XKR6: variants seen among roughly 807,000 people sequenced by gnomAD.
The protein encoded by XKR6 is XK-related protein 6.
In XKR6, 22 loss-of-function variants were observed where a neutral mutation model predicts 56.7. The ratio of observed to expected loss-of-function variants is 0.39; its 90% CI spans 0.28 to 0.55. The LOEUF is 0.55. Among genes scored for constraint, XKR6 ranks in the 20% least tolerant of loss-of-function variants. XKR6 has a pLI of 0.66. For missense variants in XKR6, 852 were observed against 889.0 expected (o/e 0.96, Z 0.53); for synonymous variants, 524 against 387.8 (o/e 1.35, Z -4.13).
chr8:10,932,065 A>G (rs533057545), intron 1 of XKR6, among the ~76,000 whole-genome samples: 2 of 152,350 alleles, frequency 1.3e-5, no homozygotes, highest in African/African-American at 4.8e-5. Context: ...GAGGATACAC[A>G]ATAGCAAATA....
intron 1 of XKR6, among the ~76,000 whole-genome samples, chr8:11,051,083 G>T (rs1799533795): frequency 6.6e-6 from 1 of 152,034 alleles, no homozygotes; most frequent in South Asian, 2.1e-4. Context: ...AAAGCCCTTA[G>T]TCCTCCCAAG....
At chr8:11,154,757 C>T (rs767079875) in intron 1 of XKR6, among the ~76,000 whole-genome samples, 1 of 152,180 alleles carries the variant, frequency 6.6e-6, no homozygotes, top group Non-Finnish European at 1.5e-5. Flanking sequence ...TTGGTTCCTT[C>T]TCTGCCTATA....
chr8:10,960,375 G>A lies in XKR6; in HGVS notation c.765-35545C>T, dbSNP rs369930122. 7.2e-5 allele frequency among the ~76,000 whole-genome samples: 11 copies of A among 152,308 alleles called. No individual in the cohort carries two copies. In the East Asian group the frequency reaches 9.6e-4, roughly 13 times the overall value. On this transcript the variant is annotated intron_variant, in intron 1 of 2. Coordinates refer to ENST00000416569, the MANE Select transcript of XKR6 (RefSeq NM_173683.4). ...CATAAATATCAGGCACGGTCATAGCGTTACCCTGGCAGATGACTGCCCCAG... is the reference window on the plus strand; with the variant it reads ...CATAAATATCAGGCACGGTCATAGCATTACCCTGGCAGATGACTGCCCCAG...
chr8:11,146,468 G>T (rs1459863039), intron 1 of XKR6, among the ~76,000 whole-genome samples: 1 of 152,090 alleles, frequency 6.6e-6, no homozygotes, highest in Non-Finnish European at 1.5e-5. Context: ...TCTACAGAAA[G>T]ATTTTTAAAA....
intron 2 of XKR6, among the ~76,000 whole-genome samples, chr8:10,911,597 G>A (rs1800370249): frequency 6.8e-6 from 1 of 146,928 alleles, no homozygotes; most frequent in South Asian, 2.2e-4. Flanking sequence ...AAGAGAGAGG[G>A]TGAGATTGCA....
At chr8:10,914,646 G>C (rs1023592123) in intron 2 of XKR6, among the ~76,000 whole-genome samples, 2 of 152,180 alleles carry the variant, frequency 1.3e-5, no homozygotes, top group African/African-American at 4.8e-5. Context: ...GATGAGATTG[G>C]AGAGATCTGA....
chr8:10,957,636 G>C (rs10107658), intron 1 of XKR6, among the ~76,000 whole-genome samples: 1 of 152,040 alleles, frequency 6.6e-6, no homozygotes, highest in African/African-American at 2.4e-5. Context: ...TGGAGCTTCC[G>C]CCTGCCAAGA....
chr8:11,172,114 T>G (rs1802405498), intron 1 of XKR6, among the ~76,000 whole-genome samples: 1 of 151,236 alleles, frequency 6.6e-6, no homozygotes, highest in African/African-American at 2.4e-5. Flanking sequence ...CTCAGACCTA[T>G]AATCCCAGCA....
intron 1 of XKR6, among the ~76,000 whole-genome samples, chr8:10,951,466 G>A (rs189986501): frequency 6.8e-4 from 103 of 152,310 alleles, no homozygotes; most frequent in South Asian, 2.3e-3. Context: ...AATCACCGGC[G>A]GCTGCATCGG....
At chr8:11,094,083 C>CTTT (rs35652292) in intron 1 of XKR6, among the ~76,000 whole-genome samples, 6,138 of 137,798 alleles carry the variant, frequency 0.045, 502 homozygotes, top group African/African-American at 0.15. Context: ...CGCGCCCGGC[C>CTTT]TTTTTTTTTT....
chr8:11,139,479 A>G (rs993755439), intron 1 of XKR6, among the ~76,000 whole-genome samples: 3 of 152,124 alleles, frequency 2.0e-5, no homozygotes, highest in African/African-American at 7.2e-5. Flanking sequence ...ATTTCTTGCC[A>G]GCAGCTGCTA....
At chr8:11,041,363 C>G (rs917000395) in intron 1 of XKR6, among the ~76,000 whole-genome samples, 1 of 152,100 alleles carries the variant, frequency 6.6e-6, no homozygotes, top group Admixed American at 6.6e-5. Context: ...TGAGATCAGT[C>G]TGGCCAACAT....
At chr8:11,036,942 T>A (rs78742447) in intron 1 of XKR6, among the ~76,000 whole-genome samples, 3,460 of 152,288 alleles carry the variant, frequency 0.023, 79 homozygotes, top group South Asian at 0.11. Flanking sequence ...TCTGGCGAGC[T>A]CTCTCAGTTA....
chr8:10,932,466 G>A (rs1298348232), intron 1 of XKR6, among the ~76,000 whole-genome samples: 2 of 145,072 alleles, frequency 1.4e-5, no homozygotes, highest in Admixed American at 6.9e-5. Context: ...GGGTACATGT[G>A]CACATCGTGC....
Position 10,971,244 on chromosome 8 carries a change from A to T in XKR6, c.765-46414T>A, listed in dbSNP as rs191955861. Among the ~76,000 whole-genome samples, 765 of 151,774 alleles carry T rather than the reference A, an allele frequency of 5.0e-3. 4 individuals carry two copies. Among genetic ancestry groups the T allele is most frequent in the Non-Finnish European group, 8.8e-3 (600 of 67,958 alleles). On this transcript the variant is annotated intron_variant, in intron 1 of 2. Coordinates refer to ENST00000416569, the MANE Select transcript of XKR6 (RefSeq NM_173683.4). ...AGATCATCCTGGCTAACACGGCGAAACTCCACCTCTACTAAAAATACAAAA... is the reference window on the plus strand; with the variant it reads ...AGATCATCCTGGCTAACACGGCGAATCTCCACCTCTACTAAAAATACAAAA...
At chr8:11,027,271 T>C (rs1338551489) in intron 1 of XKR6, among the ~76,000 whole-genome samples, 1 of 152,238 alleles carries the variant, frequency 6.6e-6, no homozygotes, top group African/African-American at 2.4e-5. Flanking sequence ...ATATATGCAG[T>C]CCACCATTGA....
chr8:11,141,522 T>G (rs1320403744), intron 1 of XKR6, among the ~76,000 whole-genome samples: 6 of 152,180 alleles, frequency 3.9e-5, no homozygotes, highest in Admixed American at 1.3e-4. Context: ...CCTGCGGTCC[T>G]TAGAGGATAG....
intron 1 of XKR6, among the ~76,000 whole-genome samples, chr8:11,086,347 G>C (rs1753223838): frequency 6.6e-6 from 1 of 152,044 alleles, no homozygotes; most frequent in Non-Finnish European, 1.5e-5. Flanking sequence ...ATGAGACCCA[G>C]CCCAAAGCCC....
chr8:10,946,840 T>G (rs1801563608), intron 1 of XKR6, among the ~76,000 whole-genome samples: 2 of 151,980 alleles, frequency 1.3e-5, no homozygotes, highest in East Asian at 1.9e-4. Context: ...TTGCTAGGCA[T>G]GAGATATTTC....
Sources: gnomAD v4.1 joint callset for allele counts (sites outside exome capture counted in the v4.1 genomes callset) on GRCh38, gnomAD v4.1.1 for gene constraint, MANE v1.5 for transcripts, NCBI Gene and HGNC (gene_info 2026-07-23, HGNC 2026-07-21) for gene names.